Variants in ADAM29 observed in about 807,000 individuals in gnomAD.
ADAM29 encodes disintegrin and metalloproteinase domain-containing protein 29.
For synonymous variants in ADAM29, 367 were observed against 342.3 expected (o/e 1.07, Z -0.80); for missense variants, 969 against 1,001.8 (o/e 0.97, Z 0.44).
chr4:174,959,788 T>A lies in ADAM29; in HGVS notation c.-180-15558T>A, dbSNP rs191982576. 2.8e-4 allele frequency among the ~76,000 whole-genome samples: 43 copies of A among 152,102 alleles called. No homozygotes were observed. In the East Asian group the frequency reaches 6.6e-3, roughly 23 times the overall value. ...GTGTTGAGTCTACTGATAAGTTCAT[T>A]AAACACATTCATTTCTGTTACTTTA... On this transcript the variant is annotated intron_variant, in intron 4 of 4. Transcript: ENST00000359240.
In ADAM29 at chr4:174,977,864, C is replaced by T; in HGVS notation, c.2339C>T (p.Pro780Leu). The T allele has an allele frequency of 6.3e-7, 1 of 1,586,120 alleles. No individual in the cohort carries two copies. Among genetic ancestry groups the T allele is most frequent in the Non-Finnish European group, 8.6e-7 (1 of 1,165,288 alleles). The change falls in exon 5 of 5, where the codon CCT becomes CTT. Residue 780 changes from proline to leucine, a missense_variant. Pro to Leu is a moderately conservative substitution (Grantham distance 98). Transcript: ENST00000359240. ...GTGATGCCTTCTCAGAGTCAACCTC[C>T]TGTGATGCCTTCCCAGAGTCATCCT... ...PRVMPSQSQPPVMPSQSHPQL... is the reference protein window; with the variant it reads ...PRVMPSQSQPLVMPSQSHPQL...
chr4:174,939,958 CTCCT>C (rs1464186323), intron 4 of ADAM29, among the ~76,000 whole-genome samples: 1 of 152,022 alleles, frequency 6.6e-6, no homozygotes, highest in East Asian at 1.9e-4. Context: ...CCCTTCCTCT[CTCCT>C]TCCTTCCTTT....
intron 4 of ADAM29, among the ~76,000 whole-genome samples, chr4:174,956,936 A>G (rs1745543106): frequency 6.6e-6 from 1 of 151,934 alleles, no homozygotes; most frequent in Non-Finnish European, 1.5e-5. Context: ...ATGCTTTGTA[A>G]ATCAGCATAG....
intron 4 of ADAM29, among the ~76,000 whole-genome samples, chr4:174,944,729 T>G (rs1487274789): frequency 6.6e-6 from 1 of 152,190 alleles, no homozygotes; most frequent in African/African-American, 2.4e-5. Context: ...CTATCCTTTG[T>G]GTCCATGTGT....
chr4:174,966,434 C>A (rs1746164069), intron 4 of ADAM29, among the ~76,000 whole-genome samples: 1 of 152,046 alleles, frequency 6.6e-6, no homozygotes, highest in Non-Finnish European at 1.5e-5. Context: ...ACTAAATATC[C>A]CTCCAGCTAT....
chr4:174,925,328 G>T (rs1426040069), intron 2 of ADAM29, among the ~76,000 whole-genome samples: 1 of 150,140 alleles, frequency 6.7e-6, no homozygotes, highest in Non-Finnish European at 1.5e-5. Flanking sequence ...ATAGGAGAAA[G>T]TGGGTATGGA....
intron 4 of ADAM29, among the ~76,000 whole-genome samples, chr4:174,973,854 T>G (rs1746603842): frequency 6.6e-6 from 1 of 152,220 alleles, no homozygotes; most frequent in Non-Finnish European, 1.5e-5. Context: ...GGTCTTCCTA[T>G]GTCATTTGAT....
At chr4:174,934,777 T>C (rs558740533) in intron 3 of ADAM29, among the ~76,000 whole-genome samples, 65 of 152,284 alleles carry the variant, frequency 4.3e-4, no homozygotes, top group Admixed American at 5.9e-4. Flanking sequence ...TCAGGGTCTG[T>C]CAGTCTTTTG....
At chr4:174,956,597 G>A (rs190873505) in intron 4 of ADAM29, among the ~76,000 whole-genome samples, 14 of 151,750 alleles carry the variant, frequency 9.2e-5, no homozygotes, top group African/African-American at 3.1e-4. Flanking sequence ...GCTCAGTATA[G>A]TCAGTGCTTT....
chr4:174,939,137 A>T (rs1185870944), intron 4 of ADAM29, among the ~76,000 whole-genome samples: 2 of 152,168 alleles, frequency 1.3e-5, no homozygotes, highest in Non-Finnish European at 2.9e-5. Context: ...TTTCTTCCAA[A>T]TAAGAGTACA....
At position 174,977,161 on chromosome 4, in the gene ADAM29, A is replaced by G; in HGVS notation, c.1636A>G (p.Ile546Val). The G allele has an allele frequency of 6.2e-7, 1 of 1,614,130 alleles. No individual in the cohort carries two copies. Among genetic ancestry groups the G allele is most frequent in the Middle Eastern group, 1.7e-4 (1 of 6,060 alleles). Residue 546 changes from isoleucine (I) to valine (V), a missense_variant, in exon 5 of 5, where the codon ATC (isoleucine) becomes GTC (valine). By Grantham distance (29) the Ile-to-Val change is conservative (BLOSUM62 3). Coordinates refer to ENST00000359240, the MANE Select transcript of ADAM29 (RefSeq NM_014269.4). The stretch of plus-strand genomic sequence containing the variant: ...AAATGCTACATATATAAAGTGTAAT[A>G]TCTCAGATGTCCAGTGTGGAAGAAT... Reference protein sequence around the residue: ...IKNATYIKCNISDVQCGRIQC... With the variant: ...IKNATYIKCNVSDVQCGRIQC...
chr4:174,943,740 T>G (rs1041278235), intron 4 of ADAM29, among the ~76,000 whole-genome samples: 11 of 152,076 alleles, frequency 7.2e-5, no homozygotes, highest in Non-Finnish European at 1.3e-4. Flanking sequence ...TGGTTTGTTA[T>G]TCTTTTGATA....
At chr4:174,942,238 T>A (rs1214268792) in intron 4 of ADAM29, among the ~76,000 whole-genome samples, 2 of 152,088 alleles carry the variant, frequency 1.3e-5, no homozygotes, top group African/African-American at 4.8e-5. Context: ...CATTCTGGGG[T>A]CTGGAGGATG....
At chr4:174,930,489 A>C (rs932818215) in intron 2 of ADAM29, among the ~76,000 whole-genome samples, 1 of 152,170 alleles carries the variant, frequency 6.6e-6, no homozygotes, top group Non-Finnish European at 1.5e-5. Context: ...ATAATTTATA[A>C]AGCAAAATTA....
At chr4:174,948,480 G>A (rs978630716) in intron 4 of ADAM29, among the ~76,000 whole-genome samples, 3 of 152,092 alleles carry the variant, frequency 2.0e-5, no homozygotes, top group African/African-American at 7.2e-5. Flanking sequence ...CTGATCAGCT[G>A]GTACTGAGCC....
At chr4:174,944,250 C>A (rs555345909) in intron 4 of ADAM29, among the ~76,000 whole-genome samples, 1 of 151,858 alleles carries the variant, frequency 6.6e-6, no homozygotes, top group South Asian at 2.1e-4. Context: ...AAAGAAATCA[C>A]CCATCTCAAG....
intron 4 of ADAM29, among the ~76,000 whole-genome samples, chr4:174,948,879 C>G (rs1048772773): frequency 2.6e-5 from 4 of 152,068 alleles, no homozygotes; most frequent in Admixed American, 1.3e-4. Context: ...TTCACATCGG[C>G]GGTGGCAAAG....
At chr4:174,923,519 T>TGATATATATATATATA (rs546026641) in intron 2 of ADAM29, among the ~76,000 whole-genome samples, 1 of 36,732 alleles carries the variant, frequency 2.7e-5, no homozygotes, top group African/African-American at 5.8e-5. Flanking sequence ...ATACTGTGCA[T>TGATATATATATATATA]TATATGTATA....
intron 2 of ADAM29, among the ~76,000 whole-genome samples, 158 bp downstream of exon 2, chr4:174,920,950 A>G (rs1470841653): frequency 2.0e-5 from 3 of 152,154 alleles, no homozygotes; most frequent in Admixed American, 2.0e-4. Context: ...ATCAAAGCAA[A>G]AGAAAATGTC....
Sources: allele counts gnomAD v4.1 joint callset (sites outside exome capture counted in the v4.1 genomes callset), GRCh38; gene constraint gnomAD v4.1.1; transcripts MANE v1.5; gene names NCBI Gene and HGNC (gene_info 2026-07-23, HGNC 2026-07-21).